The following OVCH1 variants were observed in gnomAD, a reference collection of about 807,000 sequenced individuals.
OVCH1 encodes ovochymase-1.
In OVCH1, 139 loss-of-function variants were observed where a neutral mutation model predicts 138.4. The observed-to-expected ratio is 1.00, with a 90% CI of 0.87 to 1.16. The LOEUF (loss-of-function observed/expected upper bound fraction) is 1.16, where lower values mean the gene tolerates loss of function less well. Ranked by LOEUF, OVCH1 falls within the 50% of genes most tolerant of loss-of-function variation. The pLI is 0.00. For synonymous variants in OVCH1, 453 were observed against 467.8 expected (o/e 0.97, Z 0.41); for missense variants, 1,367 against 1,357.9 (o/e 1.01, Z -0.11).
Position 29,489,789 on chromosome 12 carries a change from A to T in OVCH1, c.551-18T>A. 1.2e-6 allele frequency: 2 copies of T among 1,603,132 alleles called. No individual in the cohort carries two copies. Among genetic ancestry groups the T allele is most frequent in the South Asian group, 2.2e-5 (2 of 89,122 alleles). On this transcript the variant is annotated intron_variant, in intron 5 of 27. Coordinates refer to ENST00000318184, the Ensembl canonical transcript of OVCH1. ...TTCTGATGCTGTAGAGAGAGGACAG[A>T]TAAGTTAGCACACAATATCCTCATG...
At chr12:29,428,279 G>T (rs1941212181) in intron 27 of OVCH1, among the ~76,000 whole-genome samples, 2 of 152,140 alleles carry the variant, frequency 1.3e-5, no homozygotes, top group South Asian at 2.1e-4. Flanking sequence ...TCGTAAAATT[G>T]CTCTACTTCC....
chr12:29,443,619 TC>T, intron 24 of OVCH1, 119 bp from the exon 25 acceptor site: 3 of 1,003,884 alleles, frequency 3.0e-6, no homozygotes, highest in Non-Finnish European at 4.2e-6. Context: ...ATTTTTTGTG[TC>T]TGTTTCCTTA....
downstream of OVCH1, among the ~76,000 whole-genome samples, chr12:29,410,576 T>C (rs1940941708): frequency 1.5e-5 from 1 of 66,300 alleles, no homozygotes; most frequent in African/African-American, 4.3e-5. Context: ...TGAAGCTTAG[T>C]TTGGCTGGAT....
chr12:29,461,878 T>C lies in OVCH1; in HGVS notation c.2256A>G (p.Ala752=), dbSNP rs372256616. 1.2e-5 allele frequency: 19 copies of C among 1,613,786 alleles called. No individual in the cohort carries two copies. The African/African-American group carries it at 2.4e-4, about 20-fold the overall frequency. Residue 752 remains alanine, a synonymous_variant, in exon 19 of 28, where the codon GCA becomes GCG. Transcript: ENST00000318184. ...CCTGGCAGAAATCTTTCTCTCCAGA[T>C]GCTGCAAAGCCAGCACAGATCATCT...
At chr12:29,466,362 C>A (rs1237327878) in intron 16 of OVCH1, among the ~76,000 whole-genome samples, 4 of 141,026 alleles carry the variant, frequency 2.8e-5, no homozygotes, top group East Asian at 2.0e-4. Flanking sequence ...TAATAAAAAT[C>A]TTTGCAAGAA....
At chr12:29,453,576 C>T (rs754455369) in intron 21 of OVCH1, among the ~76,000 whole-genome samples, 6 of 152,134 alleles carry the variant, frequency 3.9e-5, no homozygotes, top group Non-Finnish European at 8.8e-5. Context: ...TTTTCAGCCT[C>T]CCTTAATACT....
chr12:29,453,494 C>G (rs987660164), intron 21 of OVCH1, among the ~76,000 whole-genome samples: 5 of 152,114 alleles, frequency 3.3e-5, no homozygotes, highest in African/African-American at 1.2e-4. Flanking sequence ...GACACTTGAT[C>G]AGTAGCAATA....
At chr12:29,409,104 T>G (rs1280668616), downstream of OVCH1, among the ~76,000 whole-genome samples, 7 of 152,218 alleles carry the variant, frequency 4.6e-5, no homozygotes, top group Non-Finnish European at 1.0e-4. Context: ...GTAGAGGTGT[T>G]TGTAGTAATC....
At chr12:29,434,051 A>G (rs77516007) in intron 26 of OVCH1, among the ~76,000 whole-genome samples, 2,514 of 152,316 alleles carry the variant, frequency 0.017, 40 homozygotes, top group Middle Eastern at 0.027. Context: ...ATAATTTGCA[A>G]TAGTTACCCG....
At chr12:29,430,954 G>A (rs564414086) in intron 27 of OVCH1, 1 of 514,494 alleles carries the variant, frequency 1.9e-6, no homozygotes, top group South Asian at 1.4e-5. Flanking sequence ...GAAACGGTTT[G>A]CTAAGGCACC....
chr12:29,418,679 T>C (rs748438766), intron 3 of OVCH1, among the ~76,000 whole-genome samples: 8 of 151,966 alleles, frequency 5.3e-5, no homozygotes, highest in Admixed American at 6.6e-5. Context: ...CCAAGGTGAG[T>C]ATAGAGAGGT....
In OVCH1 at chr12:29,416,129, T is replaced by C. The variant is rs1941028589; in HGVS notation, c.*72-3404A>G. On this transcript the variant is annotated intron_variant and NMD_transcript_variant, in intron 3 of 4. Transcript: ENST00000539117. ...TAGAGAGAAAAAGAGAGAAAGGAAC[T>C]TCAACCTAAACCTTACACATTATAC... 2.6e-5 allele frequency among the ~76,000 whole-genome samples: 4 copies of C among 151,364 alleles called. No homozygotes were observed. In the South Asian group the frequency reaches 8.3e-4, roughly 31 times the overall value.
chr12:29,472,077 A>G, intron 15 of OVCH1, 95 bp from the exon 16 acceptor site: 1 of 1,217,882 alleles, frequency 8.2e-7, no homozygotes. Flanking sequence ...GTGATTCTCA[A>G]ACATCAGATA....
intron 22 of OVCH1, among the ~76,000 whole-genome samples, chr12:29,448,754 A>G (rs946018643): frequency 2.0e-5 from 3 of 152,146 alleles, no homozygotes; most frequent in African/African-American, 7.2e-5. Flanking sequence ...TTAAGCAAAC[A>G]TTTTTGCTTT....
intron 25 of OVCH1, among the ~76,000 whole-genome samples, 144 bp downstream of exon 26, chr12:29,439,709 C>T (rs916685557): frequency 6.6e-6 from 1 of 152,126 alleles, no homozygotes; most frequent in Non-Finnish European, 1.5e-5. Flanking sequence ...ACTGCTCTCA[C>T]TCCCCACTTC....
intron 23 of OVCH1, 103 bp from the exon 24 acceptor site, chr12:29,444,383 C>T: frequency 8.2e-7 from 1 of 1,221,826 alleles, no homozygotes; most frequent in Non-Finnish European, 1.1e-6. Context: ...CCCTAATTGT[C>T]CTGGGAAAAC....
At chr12:29,433,107 G>A (rs1299810989) in intron 27 of OVCH1, among the ~76,000 whole-genome samples, 1 of 152,132 alleles carries the variant, frequency 6.6e-6, no homozygotes, top group Non-Finnish European at 1.5e-5. Flanking sequence ...CTCCATCGAA[G>A]TAAACAAGCT....
At chr12:29,495,568 C>A (rs527618141) in intron 3 of OVCH1, 111 bp from the exon 4 acceptor site, 24 of 958,198 alleles carry the variant, frequency 2.5e-5, no homozygotes, top group Admixed American at 9.5e-5. Context: ...ATCCCTGAGT[C>A]TTTGAAGAAG....
At chr12:29,496,214 A>G in exon 3 of OVCH1, 1 of 1,609,650 alleles carries the variant, frequency 6.2e-7, no homozygotes, top group South Asian at 1.1e-5. Context: ...TGCTGCTGTA[A>G]CAACCCGATC....
Sources: allele counts gnomAD v4.1 joint callset (sites outside exome capture counted in the v4.1 genomes callset), GRCh38; gene constraint gnomAD v4.1.1; transcripts MANE v1.5; gene names NCBI Gene and HGNC (gene_info 2026-07-23, HGNC 2026-07-21).